Variants in TPP2 observed in about 807,000 individuals in gnomAD.
The protein encoded by TPP2 is tripeptidyl peptidase 2, also known as tripeptidyl-peptidase 2.
Under a neutral mutation model 155.9 loss-of-function variants are expected in TPP2, and 34 were observed. The observed-to-expected ratio is 0.22, with a 90% CI of 0.17 to 0.29. The LOEUF is 0.29. Among genes scored for constraint, TPP2 ranks in the 10% least tolerant of loss-of-function variants. TPP2 has a pLI of 1.00. For missense variants in TPP2, 1,028 were observed against 1,522.3 expected (o/e 0.68, Z 5.40); for synonymous variants, 510 against 529.4 (o/e 0.96, Z 0.50).
chr13:102,639,753 T>A (rs958839729), intron 15 of TPP2, among the ~76,000 whole-genome samples: 1 of 152,254 alleles, frequency 6.6e-6, no homozygotes, highest in African/African-American at 2.4e-5. Flanking sequence ...TGGGTAGTTA[T>A]GCATTTGAAC....
At chr13:102,635,726 G>T in intron 12 of TPP2, 24 bp downstream of exon 12, 1 of 1,531,836 alleles carries the variant, frequency 6.5e-7, no homozygotes. Flanking sequence ...TATGAAAAAT[G>T]GGTTGTAAAG....
intron 4 of TPP2, among the ~76,000 whole-genome samples, chr13:102,617,785 G>T (rs778647729): frequency 6.6e-6 from 1 of 152,196 alleles, no homozygotes; most frequent in Non-Finnish European, 1.5e-5. Context: ...AATATTTTTA[G>T]TACTCTCTTA....
At position 102,637,655 on chromosome 13, in the gene TPP2, A is replaced by G. The variant is rs113915079; in HGVS notation, c.1836+416A>G. Among the ~76,000 whole-genome samples the G allele has an allele frequency of 5.3e-3, 803 of 152,240 alleles. 6 individuals carry two copies. Among genetic ancestry groups the G allele is most frequent in the African/African-American group, 0.018 (746 of 41,532 alleles). On this transcript the variant is annotated intron_variant, in intron 14 of 29. Transcript: ENST00000376052. ...AGCCTTGAACTCTTGGGCTCAAGTG[A>G]TATTCACACCTTAGCCTCCTGAGTA...
intron 21 of TPP2, among the ~76,000 whole-genome samples, chr13:102,648,382 C>A (rs1427865818): frequency 6.6e-6 from 1 of 151,800 alleles, no homozygotes; most frequent in African/African-American, 2.4e-5. Flanking sequence ...CATAGTGAGT[C>A]CCCCTCTCTA....
chr13:102,605,691 A>G (rs1163804432), intron 2 of TPP2, among the ~76,000 whole-genome samples: 2 of 149,960 alleles, frequency 1.3e-5, no homozygotes, highest in African/African-American at 4.9e-5. Context: ...TTAAATGGCC[A>G]GCTTTGTCTT....
intron 8 of TPP2, 27 bp from the exon 9 acceptor site, chr13:102,629,455 T>A: frequency 1.4e-6 from 2 of 1,463,010 alleles, no homozygotes; most frequent in Non-Finnish European, 1.8e-6. Context: ...GCTGATTATA[T>A]GTTCAAAGGA....
At chr13:102,663,183 C>G (rs950681807) in intron 25 of TPP2, among the ~76,000 whole-genome samples, 1 of 152,082 alleles carries the variant, frequency 6.6e-6, no homozygotes, top group South Asian at 2.1e-4. Flanking sequence ...GAGTCTCACT[C>G]TGTCACCCGG....
intron 27 of TPP2, among the ~76,000 whole-genome samples, chr13:102,666,754 T>A (rs1274665133): frequency 6.7e-6 from 1 of 148,192 alleles, no homozygotes; most frequent in East Asian, 2.0e-4. Context: ...TCTTTATCAC[T>A]GTTTTTAATC....
chr13:102,599,316 A>G (rs919159077), intron 1 of TPP2, among the ~76,000 whole-genome samples: 3 of 152,230 alleles, frequency 2.0e-5, no homozygotes, highest in Non-Finnish European at 4.4e-5. Context: ...TCTTTTAACA[A>G]CCTTGACTCA....
chr13:102,632,069 C>T (rs1401973113), intron 10 of TPP2, among the ~76,000 whole-genome samples: 2 of 152,094 alleles, frequency 1.3e-5, no homozygotes, highest in South Asian at 2.1e-4. Flanking sequence ...GCCTGGCCAA[C>T]GTGGTGAAAT....
intron 10 of TPP2, among the ~76,000 whole-genome samples, chr13:102,633,194 A>G (rs953676547): frequency 1.3e-5 from 2 of 152,146 alleles, no homozygotes; most frequent in Admixed American, 1.3e-4. Flanking sequence ...TTGTTGGATG[A>G]TAATGTGGTT....
At chr13:102,597,568 C>A (rs376450592) in intron 1 of TPP2, among the ~76,000 whole-genome samples, 1 of 151,854 alleles carries the variant, frequency 6.6e-6, no homozygotes, top group African/African-American at 2.4e-5. Flanking sequence ...CAGGCCGGAC[C>A]CCCCAGGCTC....
In TPP2 at chr13:102,651,405, T is replaced by C; in HGVS notation, c.2991+8T>C. 1 of 1,572,746 alleles carries C rather than the reference T, an allele frequency of 6.4e-7. No homozygotes were observed. Among genetic ancestry groups the C allele is most frequent in the Non-Finnish European group, 8.6e-7 (1 of 1,158,100 alleles). On this transcript the variant is annotated splice_region_variant and intron_variant, in intron 24 of 29. Transcript: ENST00000376052. Reference sequence around the variant, plus strand: ...CAAGGAAAATTTAAAAAGGTACTGATTGTCAGTTCTTAAAAAAGATGTCTT... The same window carrying C: ...CAAGGAAAATTTAAAAAGGTACTGACTGTCAGTTCTTAAAAAAGATGTCTT...
intron 26 of TPP2, among the ~76,000 whole-genome samples, chr13:102,664,587 A>G (rs1468402365): frequency 1.3e-5 from 2 of 152,142 alleles, no homozygotes; most frequent in Admixed American, 1.3e-4. Context: ...AGGTATTTTT[A>G]TTATGCATCT....
chr13:102,603,125 G>A (rs1254550487), intron 1 of TPP2, among the ~76,000 whole-genome samples: 2 of 152,104 alleles, frequency 1.3e-5, no homozygotes, highest in Non-Finnish European at 2.9e-5. Flanking sequence ...GAAAATTTGT[G>A]GACTGGCAAG....
At chr13:102,618,884 T>A (rs1250986135) in intron 5 of TPP2, 38 bp downstream of exon 5, 3 of 1,573,148 alleles carry the variant, frequency 1.9e-6, no homozygotes, top group Non-Finnish European at 2.6e-6. Context: ...CATTTACAAA[T>A]GTTTTCTTTT....
In TPP2 at chr13:102,640,256, T is replaced by G. The variant is rs1882665406; in HGVS notation, c.1914-14T>G. ...AATAAATATATACATTTAATTACTTTTATTAATTTTCAGAGTAAATGAATC... is the reference window on the plus strand; with the variant it reads ...AATAAATATATACATTTAATTACTTGTATTAATTTTCAGAGTAAATGAATC... On this transcript the variant is annotated splice_polypyrimidine_tract_variant and intron_variant, in intron 15 of 29. Coordinates refer to ENST00000376052, the MANE Select transcript of TPP2 (RefSeq NM_001330588.2). 6.5e-7 allele frequency: 1 copy of G among 1,545,740 alleles called. No individual in the cohort carries two copies. The highest frequency in any genetic ancestry group is 1.4e-5 in the African/African-American group (1 of 72,720).
intron 6 of TPP2, among the ~76,000 whole-genome samples, chr13:102,623,800 A>G (rs1881347370): frequency 6.6e-6 from 1 of 151,958 alleles, no homozygotes; most frequent in Non-Finnish European, 1.5e-5. Flanking sequence ...ATCTGGGGGG[A>G]TTGGTTCTGG....
At position 102,604,836 on chromosome 13, in the gene TPP2, C is replaced by A; in HGVS notation, c.209C>A (p.Thr70Lys). Residue 70 changes from threonine to lysine, a missense_variant, in exon 2 of 30, where the codon ACA (threonine) becomes AAA (lysine). By Grantham distance (78) the Thr-to-Lys change is moderately conservative (BLOSUM62 -1). Transcript: ENST00000376052. ...GKPKIVDIID[T>K]TGSGDVNTAT... ...CCAAAAATCGTTGATATCATTGATA[C>A]AACAGGAAGTGGCGATGTGAATACT... The A allele has an allele frequency of 6.2e-7, 1 of 1,613,814 alleles. No homozygotes were observed. The highest frequency in any genetic ancestry group is 8.5e-7 in the Non-Finnish European group (1 of 1,179,926).
Sources: gnomAD v4.1 joint callset for allele counts (sites outside exome capture counted in the v4.1 genomes callset) on GRCh38, gnomAD v4.1.1 for gene constraint, MANE v1.5 for transcripts, NCBI Gene and HGNC (gene_info 2026-07-23, HGNC 2026-07-21) for gene names.